Variants in CNTNAP2 observed in about 807,000 individuals in gnomAD.
CNTNAP2 encodes contactin-associated protein-like 2.
CNTNAP2 carries 98 observed loss-of-function variants against 155.2 expected under a neutral mutation model. The observed-to-expected ratio is 0.63, with a 90% CI of 0.54 to 0.75. CNTNAP2 has a LOEUF of 0.75. Among genes scored for constraint, CNTNAP2 ranks in the 30% least tolerant of loss-of-function variants. The pLI, the probability that CNTNAP2 is intolerant of heterozygous loss-of-function variation, is 0.00. For synonymous variants in CNTNAP2, 651 were observed against 631.2 expected (o/e 1.03, Z -0.47); for missense variants, 1,727 against 1,688.1 (o/e 1.02, Z -0.40).
chr7:148,145,402 C>A (rs1339395156), intron 16 of CNTNAP2, among the ~76,000 whole-genome samples: 3 of 152,152 alleles, frequency 2.0e-5, no homozygotes, highest in Non-Finnish European at 4.4e-5. Context: ...CAAGTAGTGA[C>A]AGTTTGAAGA....
At chr7:147,356,454 A>T (rs1796063050) in intron 9 of CNTNAP2, among the ~76,000 whole-genome samples, 1 of 152,156 alleles carries the variant, frequency 6.6e-6, no homozygotes, top group Non-Finnish European at 1.5e-5. Context: ...AAGAGAAAGA[A>T]ATAGCAGGTG....
intron 8 of CNTNAP2, among the ~76,000 whole-genome samples, chr7:147,263,722 T>C (rs1441858247): frequency 6.6e-6 from 1 of 152,200 alleles, no homozygotes; most frequent in Non-Finnish European, 1.5e-5. Context: ...CGTGGTCCTA[T>C]AGTATAGAAA....
chr7:147,946,620 T>A (rs1451770019), intron 14 of CNTNAP2, among the ~76,000 whole-genome samples: 2 of 152,034 alleles, frequency 1.3e-5, no homozygotes, highest in Non-Finnish European at 2.9e-5. Context: ...TGCCCTCACA[T>A]GAGCGATTTG....
chr7:146,679,657 T>A (rs908565800), intron 1 of CNTNAP2, among the ~76,000 whole-genome samples: 2 of 152,038 alleles, frequency 1.3e-5, no homozygotes, highest in Non-Finnish European at 2.9e-5. Context: ...GCCCGGCTGA[T>A]CTTGTTTCTT....
intron 17 of CNTNAP2, among the ~76,000 whole-genome samples, chr7:148,164,596 C>T (rs1805613773): frequency 6.9e-6 from 1 of 143,886 alleles, no homozygotes; most frequent in African/African-American, 2.6e-5. Flanking sequence ...TAACTCTGTG[C>T]TTTCTTTTCT....
chr7:146,377,043 T>C (rs1456327405), intron 1 of CNTNAP2, among the ~76,000 whole-genome samples: 1 of 152,150 alleles, frequency 6.6e-6, no homozygotes, highest in Non-Finnish European at 1.5e-5. Context: ...ATATAAAATA[T>C]ACAGCCTCCG....
chr7:147,127,471 T>C (rs1406442045), intron 6 of CNTNAP2, among the ~76,000 whole-genome samples: 9 of 152,110 alleles, frequency 5.9e-5, no homozygotes, highest in Admixed American at 5.2e-4. Flanking sequence ...CACTAAATCA[T>C]AGAACATAAT....
chr7:148,396,287 G>T (rs1799466448), intron 22 of CNTNAP2, among the ~76,000 whole-genome samples: 1 of 152,112 alleles, frequency 6.6e-6, no homozygotes, highest in African/African-American at 2.4e-5. Flanking sequence ...CCCTTGACTT[G>T]TGTGTCTTTC....
chr7:146,541,773 A>T (rs926343962), intron 1 of CNTNAP2, among the ~76,000 whole-genome samples: 2 of 152,004 alleles, frequency 1.3e-5, no homozygotes, highest in African/African-American at 4.8e-5. Flanking sequence ...AGGAGACAAG[A>T]AGCACATTAT....
chr7:146,488,462 T>C (rs1797091298), intron 1 of CNTNAP2, among the ~76,000 whole-genome samples: 1 of 152,014 alleles, frequency 6.6e-6, no homozygotes, highest in Non-Finnish European at 1.5e-5. Flanking sequence ...TAGGTATACC[T>C]GGAATGCATA....
chr7:147,562,062 A>G (rs1800073963), intron 11 of CNTNAP2, 76 bp from the exon 12 acceptor site: 10 of 1,593,892 alleles, frequency 6.3e-6, no homozygotes, highest in East Asian at 2.2e-5. Context: ...TAGCATTGCA[A>G]TATGCCACTG....
At chr7:147,022,594 T>C (rs1409826509) in intron 3 of CNTNAP2, among the ~76,000 whole-genome samples, 1 of 144,972 alleles carries the variant, frequency 6.9e-6, no homozygotes, top group East Asian at 2.0e-4. Context: ...TATATACACA[T>C]ACACAAACAC....
intron 1 of CNTNAP2, among the ~76,000 whole-genome samples, chr7:146,172,898 T>A (rs1798415272): frequency 6.6e-6 from 1 of 152,168 alleles, no homozygotes; most frequent in Non-Finnish European, 1.5e-5. Context: ...CCCAAGAAGC[T>A]CTGTGATATT....
chr7:147,081,673 T>C (rs1419706772), intron 4 of CNTNAP2: 4 of 151,968 alleles, frequency 2.6e-5, no homozygotes, highest in Non-Finnish European at 4.4e-5. Flanking sequence ...CAGGATGATA[T>C]TGATCTCCTG....
At chr7:147,309,043 T>C (rs572045107) in intron 9 of CNTNAP2, among the ~76,000 whole-genome samples, 13 of 152,188 alleles carry the variant, frequency 8.5e-5, no homozygotes, top group Non-Finnish European at 1.8e-4. Flanking sequence ...AAGCATATAC[T>C]TCCACCTTGA....
At chr7:147,165,420 G>C (rs866553367) in intron 8 of CNTNAP2, among the ~76,000 whole-genome samples, 13 of 152,026 alleles carry the variant, frequency 8.6e-5, no homozygotes, top group South Asian at 2.1e-4. Context: ...CAGATGTATA[G>C]ATTGTGAAGA....
chr7:147,028,959 C>CTTTTTTT (rs397889433), intron 3 of CNTNAP2, among the ~76,000 whole-genome samples: 10 of 103,744 alleles, frequency 9.6e-5, no homozygotes, highest in African/African-American at 2.9e-4. Flanking sequence ...AAGATATGTT[C>CTTTTTTT]TTTTTTTTTT....
chr7:147,081,551 G>C (rs1455261730), intron 4 of CNTNAP2: 2 of 151,028 alleles, frequency 1.3e-5, no homozygotes, highest in African/African-American at 4.9e-5. Context: ...TGAGTAGCTG[G>C]GACTACAGGC....
intron 22 of CNTNAP2, 40 bp downstream of exon 22, chr7:148,383,928 T>G (rs1799132494): frequency 1.3e-6 from 2 of 1,593,340 alleles, no homozygotes; most frequent in Admixed American, 3.5e-5. Context: ...GCTTCATTTC[T>G]TTAAACCTCA....
Sources: gnomAD v4.1 joint callset for allele counts (sites outside exome capture counted in the v4.1 genomes callset) on GRCh38, gnomAD v4.1.1 for gene constraint, MANE v1.5 for transcripts, NCBI Gene and HGNC (gene_info 2026-07-23, HGNC 2026-07-21) for gene names.